KIAA1217: variants seen among roughly 807,000 people sequenced by gnomAD.
KIAA1217 encodes the protein KIAA1217.
A neutral mutation model predicts 163.9 loss-of-function variants in KIAA1217; 88 were observed. That is an observed-to-expected ratio of 0.54 (90% CI 0.45 to 0.64). KIAA1217 has a LOEUF of 0.64. Among genes scored for constraint, KIAA1217 ranks in the 30% least tolerant of loss-of-function variants. The probability of loss-of-function intolerance (pLI) is 0.00; values close to 1 mark genes in which losing one functional copy is unlikely to be tolerated. For missense variants in KIAA1217, 2,372 were observed against 2,475.0 expected, an observed-to-expected ratio of 0.96 and a Z score of 0.88; for synonymous variants, 903 against 923.1, an observed-to-expected ratio of 0.98 and a Z score of 0.39.
intron 2 of KIAA1217, among the ~76,000 whole-genome samples, chr10:24,367,572 A>G (rs2050956978): frequency 6.6e-6 from 1 of 152,190 alleles, no homozygotes; most frequent in African/African-American, 2.4e-5. Context: ...AGCTTGCTCC[A>G]GCAGAATACT....
chr10:23,837,291 T>C (rs1336205577), intron 1 of KIAA1217, among the ~76,000 whole-genome samples: 1 of 152,198 alleles, frequency 6.6e-6, no homozygotes, highest in African/African-American at 2.4e-5. Flanking sequence ...AGCAAAGTAA[T>C]ATGCCCAATT....
At chr10:23,757,121 G>T (rs1833958880) in intron 1 of KIAA1217, among the ~76,000 whole-genome samples, 1 of 117,068 alleles carries the variant, frequency 8.5e-6, no homozygotes, top group South Asian at 2.7e-4. Flanking sequence ...TTATTCATCT[G>T]CTGATGAATG....
intron 2 of KIAA1217, among the ~76,000 whole-genome samples, chr10:24,296,807 T>C (rs1035910747): frequency 2.0e-5 from 3 of 152,212 alleles, no homozygotes; most frequent in Non-Finnish European, 4.4e-5. Flanking sequence ...AGCTTGCTAA[T>C]TGGGGCTAAA....
At chr10:23,853,178 G>T (rs1484187025) in intron 1 of KIAA1217, among the ~76,000 whole-genome samples, 11 of 152,242 alleles carry the variant, frequency 7.2e-5, no homozygotes, top group Non-Finnish European at 1.3e-4. Flanking sequence ...ATTATTTTGA[G>T]ATACGTCCCA....
chr10:23,802,466 A>G (rs1430476961), intron 1 of KIAA1217, among the ~76,000 whole-genome samples: 3 of 152,156 alleles, frequency 2.0e-5, no homozygotes, highest in Non-Finnish European at 4.4e-5. Flanking sequence ...TATCTAATCT[A>G]TTGACCTCTC....
chr10:24,531,586 A>G (rs1279250834), intron 14 of KIAA1217, among the ~76,000 whole-genome samples: 1 of 152,202 alleles, frequency 6.6e-6, no homozygotes, highest in Non-Finnish European at 1.5e-5. Flanking sequence ...CCCAGAGGAA[A>G]GTATATTATA....
At chr10:23,703,418 A>G (rs1211783320) in intron 1 of KIAA1217, among the ~76,000 whole-genome samples, 1 of 152,158 alleles carries the variant, frequency 6.6e-6, no homozygotes, top group African/African-American at 2.4e-5. Flanking sequence ...ATCTGATTGT[A>G]GGTTTCTTCC....
chr10:23,764,375 C>A (rs747476570), intron 1 of KIAA1217, among the ~76,000 whole-genome samples: 1 of 152,156 alleles, frequency 6.6e-6, no homozygotes, highest in Admixed American at 6.6e-5. Flanking sequence ...ATTAGTTCAA[C>A]CATTGTGGAA....
At chr10:24,482,501 T>C (rs1487041061) in intron 6 of KIAA1217, 3 of 152,226 alleles carry the variant, frequency 2.0e-5, no homozygotes, top group African/African-American at 7.2e-5. Flanking sequence ...TAAAGATGGA[T>C]CGTCAAAATA....
intron 1 of KIAA1217, among the ~76,000 whole-genome samples, chr10:23,817,895 G>A (rs1837381845): frequency 6.9e-6 from 1 of 144,306 alleles, no homozygotes; most frequent in Non-Finnish European, 1.5e-5. Context: ...TTCAAGAACA[G>A]TCTAGACAAC....
intron 1 of KIAA1217, among the ~76,000 whole-genome samples, chr10:23,920,794 T>C (rs971906574): frequency 3.3e-5 from 5 of 152,112 alleles, no homozygotes; most frequent in Non-Finnish European, 5.9e-5. Flanking sequence ...CCCACCCAAA[T>C]CTCATCTTGA....
At chr10:24,251,264 G>A (rs2074476020) in intron 2 of KIAA1217, among the ~76,000 whole-genome samples, 1 of 151,922 alleles carries the variant, frequency 6.6e-6, no homozygotes, top group Non-Finnish European at 1.5e-5. Flanking sequence ...GCCTGATGTG[G>A]TGGCACATGC....
At chr10:24,089,728 G>A (rs113057262) in intron 2 of KIAA1217, among the ~76,000 whole-genome samples, 19,708 of 151,564 alleles carry the variant, frequency 0.13, 3,131 homozygotes, top group African/African-American at 0.36. Flanking sequence ...GTCAGGTAGC[G>A]TGACAAAGGA....
chr10:24,373,191 G>T (rs528244023), intron 2 of KIAA1217, among the ~76,000 whole-genome samples: 1 of 152,294 alleles, frequency 6.6e-6, no homozygotes, highest in Admixed American at 6.5e-5. Flanking sequence ...CTCTAAGCAT[G>T]TCACACATCC....
intron 2 of KIAA1217, among the ~76,000 whole-genome samples, chr10:24,245,043 T>A (rs534725876): frequency 1.7e-4 from 26 of 152,318 alleles, no homozygotes; most frequent in African/African-American, 5.8e-4. Flanking sequence ...CAGCCAAGTT[T>A]ATGGGAAGCA....
intron 14 of KIAA1217, among the ~76,000 whole-genome samples, chr10:24,528,548 C>T (rs1020400342): frequency 6.6e-6 from 1 of 151,880 alleles, no homozygotes; most frequent in East Asian, 1.9e-4. Context: ...TGGCTGGTCT[C>T]GAACTTCTGG....
intron 2 of KIAA1217, among the ~76,000 whole-genome samples, chr10:24,293,023 C>A (rs979665509): frequency 6.6e-6 from 1 of 152,036 alleles, no homozygotes; most frequent in Non-Finnish European, 1.5e-5. Context: ...AATGCATGCT[C>A]GGGAAGTTGT....
At chr10:24,481,653 A>C (rs759579561) in intron 6 of KIAA1217, 4 of 152,206 alleles carry the variant, frequency 2.6e-5, no homozygotes, top group Non-Finnish European at 5.9e-5. Context: ...ATTTATTCCA[A>C]GTTCTAAACA....
chr10:23,790,683 A>G (rs1224120184), intron 1 of KIAA1217, among the ~76,000 whole-genome samples: 2 of 131,472 alleles, frequency 1.5e-5, no homozygotes, highest in African/African-American at 3.3e-5. Flanking sequence ...TATATATAAT[A>G]TGTATGTATA....
Sources: gnomAD v4.1 joint callset for allele counts (sites outside exome capture counted in the v4.1 genomes callset) on GRCh38, gnomAD v4.1.1 for gene constraint, MANE v1.5 for transcripts, NCBI Gene and HGNC (gene_info 2026-07-23, HGNC 2026-07-21) for gene names.